The following NAALADL2 variants were observed in gnomAD, a reference collection of about 807,000 sequenced individuals.
NAALADL2 encodes the protein inactive N-acetylated-alpha-linked acidic dipeptidase-like protein 2.
Under a neutral mutation model 87.2 loss-of-function variants are expected in NAALADL2, and 76 were observed. The ratio of observed to expected loss-of-function variants is 0.87; its 90% confidence interval spans 0.72 to 1.05. The LOEUF (loss-of-function observed/expected upper bound fraction) is 1.05, where lower values mean the gene tolerates loss of function less well. Among genes scored for constraint, NAALADL2 ranks in the 50% least tolerant of loss-of-function variants. NAALADL2 has a pLI of 0.00. For synonymous variants in NAALADL2, 354 were observed against 331.0 expected (o/e 1.07, Z -0.75); for missense variants, 1,089 against 945.8 (o/e 1.15, Z -1.99).
intron 1 of NAALADL2, among the ~76,000 whole-genome samples, chr3:174,894,262 C>T (rs1018306029): frequency 9.2e-5 from 14 of 151,982 alleles, no homozygotes; most frequent in Admixed American, 7.2e-4. Context: ...CAAGAGATTT[C>T]AACACCCCAC....
chr3:174,700,132 C>T (rs1701741949), intron 2 of NAALADL2, among the ~76,000 whole-genome samples: 2 of 150,714 alleles, frequency 1.3e-5, no homozygotes, highest in Admixed American at 6.6e-5. Context: ...GTATTTGCTG[C>T]AAGATCTAGT....
At chr3:175,195,374 G>T (rs762190084) in intron 2 of NAALADL2, among the ~76,000 whole-genome samples, 1 of 151,730 alleles carries the variant, frequency 6.6e-6, no homozygotes, top group Non-Finnish European at 1.5e-5. Context: ...ATGATGAAAC[G>T]TTATGAAAAA....
intron 1 of NAALADL2, among the ~76,000 whole-genome samples, chr3:175,013,895 A>G (rs1297589497): frequency 6.6e-6 from 1 of 152,102 alleles, no homozygotes; most frequent in African/African-American, 2.4e-5. Context: ...ATAATTTGTC[A>G]GAAGCTGAGG....
intron 9 of NAALADL2, among the ~76,000 whole-genome samples, chr3:175,472,945 T>C (rs529346486): frequency 6.6e-6 from 1 of 151,992 alleles, no homozygotes; most frequent in Non-Finnish European, 1.5e-5. Flanking sequence ...TCTGAATGAG[T>C]GGATTATAAG....
At chr3:175,787,250 C>G (rs560906388) in intron 13 of NAALADL2, among the ~76,000 whole-genome samples, 1 of 152,162 alleles carries the variant, frequency 6.6e-6, no homozygotes, top group African/African-American at 2.4e-5. Flanking sequence ...CCAGTTCGAG[C>G]TTCCCGGCTG....
intron 1 of NAALADL2, among the ~76,000 whole-genome samples, chr3:174,937,826 T>C (rs1737925535): frequency 6.6e-6 from 1 of 152,100 alleles, no homozygotes; most frequent in Non-Finnish European, 1.5e-5. Context: ...ATGAGTATTA[T>C]AATTTTCAGT....
At chr3:175,203,328 C>T (rs1740350009) in intron 2 of NAALADL2, among the ~76,000 whole-genome samples, 1 of 152,190 alleles carries the variant, frequency 6.6e-6, no homozygotes, top group Non-Finnish European at 1.5e-5. Flanking sequence ...GCTGCTTCCT[C>T]TACCCCTGTA....
chr3:174,989,012 G>A (rs1255689623), intron 1 of NAALADL2, among the ~76,000 whole-genome samples: 3 of 152,174 alleles, frequency 2.0e-5, no homozygotes, highest in Non-Finnish European at 4.4e-5. Flanking sequence ...AGTGGAAAGT[G>A]AAGAGGAACT....
intron 13 of NAALADL2, among the ~76,000 whole-genome samples, chr3:175,764,039 T>C (rs1175216518): frequency 6.6e-6 from 1 of 152,014 alleles, no homozygotes; most frequent in Non-Finnish European, 1.5e-5. Context: ...AATAGGACTC[T>C]TAGGAAAAGT....
chr3:174,635,675 G>C (rs1483415951), intron 2 of NAALADL2, among the ~76,000 whole-genome samples: 1 of 151,888 alleles, frequency 6.6e-6, no homozygotes, highest in African/African-American at 2.4e-5. Flanking sequence ...CTTAATTTTT[G>C]TATTTTTAGT....
At chr3:174,814,199 C>A (rs974359027) in intron 3 of NAALADL2, among the ~76,000 whole-genome samples, 1 of 152,014 alleles carries the variant, frequency 6.6e-6, no homozygotes, top group Non-Finnish European at 1.5e-5. Flanking sequence ...AGCTCCACCC[C>A]CCGGGTTCAC....
At chr3:174,779,088 C>T (rs937200415) in intron 3 of NAALADL2, among the ~76,000 whole-genome samples, 1 of 152,218 alleles carries the variant, frequency 6.6e-6, no homozygotes, top group Admixed American at 6.5e-5. Flanking sequence ...AATTTACACT[C>T]TCACCAACAT....
At chr3:174,800,725 C>G (rs754386233) in intron 3 of NAALADL2, among the ~76,000 whole-genome samples, 18 of 152,144 alleles carry the variant, frequency 1.2e-4, no homozygotes, top group Admixed American at 6.5e-5. Context: ...TGCTAAACAC[C>G]AGCCCATGAA....
chr3:175,300,458 T>C (rs1348557149), intron 4 of NAALADL2, among the ~76,000 whole-genome samples: 1 of 152,188 alleles, frequency 6.6e-6, no homozygotes, highest in Admixed American at 6.5e-5. Context: ...ACTGCCTCAA[T>C]TTCAGAACTT....
At chr3:175,112,236 G>A (rs1484449786) in intron 2 of NAALADL2, among the ~76,000 whole-genome samples, 1 of 150,976 alleles carries the variant, frequency 6.6e-6, no homozygotes, top group African/African-American at 2.4e-5. Flanking sequence ...GTCTCTTCTT[G>A]GTGTCTCCCG....
At chr3:174,673,691 T>C (rs145381719) in intron 2 of NAALADL2, among the ~76,000 whole-genome samples, 105 of 149,966 alleles carry the variant, frequency 7.0e-4, no homozygotes, top group Non-Finnish European at 1.2e-3. Flanking sequence ...GGTTAATAAG[T>C]ACAAAGATAC....
In NAALADL2 at chr3:174,643,161, T is replaced by C. The variant is rs141581636; in HGVS notation, c.-115+92524T>C. Reference sequence around the variant, plus strand: ...TTCAAGATTTATTGAGTCACTCTTATAATGCCAGACACTATTTTCAGGCCA... The same window carrying C: ...TTCAAGATTTATTGAGTCACTCTTACAATGCCAGACACTATTTTCAGGCCA... On this transcript the variant is annotated intron_variant, in intron 2 of 3. Transcript: ENST00000434257. 2.6e-3 allele frequency among the ~76,000 whole-genome samples: 403 copies of C among 152,292 alleles called. 2 individuals are homozygous for C. The highest frequency in any genetic ancestry group is 0.015 in the South Asian group (73 of 4,826).
chr3:175,083,214 G>A (rs971899875), intron 1 of NAALADL2, among the ~76,000 whole-genome samples: 1 of 152,052 alleles, frequency 6.6e-6, no homozygotes. Context: ...TGTTCCCCCG[G>A]AAACAACCTT....
chr3:175,746,111 C>T (rs565320440), intron 12 of NAALADL2, among the ~76,000 whole-genome samples: 7 of 151,980 alleles, frequency 4.6e-5, no homozygotes, highest in Admixed American at 2.0e-4. Flanking sequence ...TTGCTGGCAG[C>T]GTTTCCTCCT....
Sources: allele counts gnomAD v4.1 joint callset (sites outside exome capture counted in the v4.1 genomes callset), GRCh38; gene constraint gnomAD v4.1.1; transcripts MANE v1.5; gene names NCBI Gene and HGNC (gene_info 2026-07-23, HGNC 2026-07-21).